The following NEK10 variants were observed in gnomAD, a reference collection of about 807,000 sequenced individuals.
The protein encoded by NEK10 is serine/threonine-protein kinase Nek10.
In NEK10, 122 loss-of-function variants were observed where a neutral mutation model predicts 159.8. The ratio of observed to expected loss-of-function variants is 0.76; its 90% CI spans 0.66 to 0.89. NEK10 has a LOEUF of 0.89. Ranked by LOEUF, NEK10 falls within the 40% of genes least tolerant of loss-of-function variation. NEK10 has a pLI of 0.00. For synonymous variants in NEK10, 466 were observed against 457.1 expected, an observed-to-expected ratio of 1.02 and a Z score of -0.25; for missense variants, 1,342 against 1,323.1, an observed-to-expected ratio of 1.01 and a Z score of -0.22.
chr3:27,304,063 C>T (rs1461190168), intron 12 of NEK10, among the ~76,000 whole-genome samples: 6 of 152,142 alleles, frequency 3.9e-5, no homozygotes, highest in Non-Finnish European at 7.3e-5. Context: ...TAGTTTGCAA[C>T]GTACTTCTAG....
At chr3:27,268,324 C>T (rs1231312597) in intron 22 of NEK10, among the ~76,000 whole-genome samples, 1 of 152,158 alleles carries the variant, frequency 6.6e-6, no homozygotes, top group African/African-American at 2.4e-5. Context: ...GACAAAATTC[C>T]CTTCTACTGA....
Position 27,202,470 on chromosome 3 carries a change from A to G in NEK10, c.2178T>C (p.Ser726=), listed in dbSNP as rs780064280. The G allele has an allele frequency of 6.2e-7, 1 of 1,613,358 alleles. No individual in the cohort carries two copies. The highest frequency in any genetic ancestry group is 1.1e-5 in the South Asian group (1 of 90,974). Residue 726 remains serine, a synonymous_variant, in exon 24 of 36, where the codon AGT becomes AGC. Coordinates refer to ENST00000691995, the MANE Select transcript of NEK10 (RefSeq NM_001394966.1). ...GCATGTTAGTGCTGTAGAAGGGGGG[A>G]CTCAAAGTCGCCATCTGATAAAGGA... ...GCILYQMATL[S]PPFYSTNMLS...
intron 23 of NEK10, among the ~76,000 whole-genome samples, chr3:27,245,798 A>C (rs1238386241): frequency 6.6e-6 from 1 of 152,180 alleles, no homozygotes; most frequent in East Asian, 1.9e-4. Context: ...ACATGAGGAA[A>C]CTTCTTTTGA....
chr3:27,286,103 T>G (rs35092779), intron 20 of NEK10, among the ~76,000 whole-genome samples: 1 of 136,592 alleles, frequency 7.3e-6, no homozygotes, highest in South Asian at 2.5e-4. Context: ...TTTTTTTTTT[T>G]GAGATGGAGT....
intron 10 of NEK10, among the ~76,000 whole-genome samples, 195 bp downstream of exon 10, chr3:27,308,731 A>G (rs1008665567): frequency 1.4e-4 from 21 of 152,214 alleles, no homozygotes; most frequent in Admixed American, 1.0e-3. Context: ...GAAAATTTTA[A>G]ACTGCAATTT....
intron 26 of NEK10, among the ~76,000 whole-genome samples, chr3:27,187,554 A>G (rs941507423): frequency 1.3e-5 from 2 of 152,170 alleles, no homozygotes; most frequent in Non-Finnish European, 2.9e-5. Flanking sequence ...AAGGCCAGGG[A>G]TGGAAGAGAA....
chr3:27,188,343 A>T (rs932065970), intron 26 of NEK10, among the ~76,000 whole-genome samples: 1 of 152,156 alleles, frequency 6.6e-6, no homozygotes, highest in Admixed American at 6.5e-5. Flanking sequence ...TACTTCATGA[A>T]TGGGGTCATT....
chr3:27,337,595 A>C (rs1332224177), intron 5 of NEK10, among the ~76,000 whole-genome samples: 1 of 152,172 alleles, frequency 6.6e-6, no homozygotes, highest in East Asian at 1.9e-4. Context: ...ATGGTATAAA[A>C]CCAAACATAT....
chr3:27,111,672 A>G (rs1336139671), intron 35 of NEK10, among the ~76,000 whole-genome samples: 1 of 146,116 alleles, frequency 6.8e-6, no homozygotes, highest in Non-Finnish European at 1.5e-5. Context: ...AGTTGATTCA[A>G]TGTAGATTTG....
chr3:27,247,933 T>C (rs1955253352), intron 23 of NEK10, among the ~76,000 whole-genome samples: 2 of 151,850 alleles, frequency 1.3e-5, no homozygotes, highest in Admixed American at 6.6e-5. Flanking sequence ...TTGCAATAGT[T>C]TGTGTAGGAT....
intron 1 of NEK10, among the ~76,000 whole-genome samples, chr3:27,357,486 G>T (rs1559556823): frequency 1.3e-5 from 2 of 152,158 alleles, no homozygotes; most frequent in African/African-American, 2.4e-5. Context: ...AATACTCATC[G>T]CTGTGCTTCT....
chr3:27,195,532 C>A (rs977227857), intron 25 of NEK10, among the ~76,000 whole-genome samples: 1 of 152,162 alleles, frequency 6.6e-6, no homozygotes. Flanking sequence ...ACAGAATGCA[C>A]CCTGCAATCT....
intron 32 of NEK10, among the ~76,000 whole-genome samples, chr3:27,126,758 G>C (rs1942001403): frequency 6.7e-6 from 1 of 149,202 alleles, no homozygotes; most frequent in African/African-American, 2.4e-5. Flanking sequence ...TCACCTGGGA[G>C]CAAAAAAAAA....
In NEK10 at chr3:27,249,618, G is replaced by A. The variant is rs144865017; in HGVS notation, c.2090+6678C>T. On this transcript the variant is annotated intron_variant, in intron 23 of 35. Transcript: ENST00000691995. The stretch of plus-strand genomic sequence containing the variant: ...ATTTTCAGTCTATGTGTCTTTAGAG[G>A]TGAAATGCATTTTTAATAGGCAACA... Among the ~76,000 whole-genome samples the A allele has an allele frequency of 1.8e-4, 28 of 152,122 alleles. 1 individual carries two copies. In the East Asian group the frequency reaches 5.2e-3, roughly 28 times the overall value.
intron 22 of NEK10, among the ~76,000 whole-genome samples, chr3:27,281,228 A>T (rs758571418): frequency 2.6e-5 from 4 of 152,084 alleles, no homozygotes; most frequent in Non-Finnish European, 4.4e-5. Flanking sequence ...GGTATCTAAG[A>T]CTAAAAAGAT....
intron 31 of NEK10, among the ~76,000 whole-genome samples, chr3:27,135,749 C>G (rs1943128624): frequency 6.6e-6 from 1 of 152,182 alleles, no homozygotes; most frequent in Non-Finnish European, 1.5e-5. Flanking sequence ...TGTTATCAAA[C>G]TAAATACACA....
At chr3:27,140,926 A>G (rs71323262) in intron 31 of NEK10, among the ~76,000 whole-genome samples, 3,108 of 152,318 alleles carry the variant, frequency 0.02, 50 homozygotes, top group Middle Eastern at 0.034. Context: ...TTTATTAACC[A>G]TATATAACAG....
At chr3:27,137,361 T>C (rs9840727) in intron 31 of NEK10, among the ~76,000 whole-genome samples, 36,890 of 152,124 alleles carry the variant, frequency 0.24, 4,811 homozygotes, top group Middle Eastern at 0.4. Context: ...GTATACATTA[T>C]AAAGTTTTTT....
At chr3:27,250,705 T>C (rs1286104408) in intron 23 of NEK10, among the ~76,000 whole-genome samples, 4 of 152,136 alleles carry the variant, frequency 2.6e-5, no homozygotes, top group African/African-American at 9.7e-5. Context: ...GGGGTAAATT[T>C]TTTTTTTCCT....
Sources: allele counts gnomAD v4.1 joint callset (sites outside exome capture counted in the v4.1 genomes callset), GRCh38; gene constraint gnomAD v4.1.1; transcripts MANE v1.5; gene names NCBI Gene and HGNC (gene_info 2026-07-23, HGNC 2026-07-21).